The following SLIT3 variants were observed in gnomAD, a reference collection of about 807,000 sequenced individuals.
SLIT3 encodes slit guidance ligand 3.
In SLIT3, 68 loss-of-function variants were observed where a neutral mutation model predicts 184.0. The ratio of observed to expected loss-of-function variants is 0.37; its 90% CI spans 0.30 to 0.45. The LOEUF (loss-of-function observed/expected upper bound fraction) is 0.45, where lower values mean the gene tolerates loss of function less well. SLIT3 is among the 20% of genes least tolerant of loss of function. SLIT3 has a pLI of 1.00. For synonymous variants in SLIT3, 831 were observed against 828.6 expected (o/e 1.00, Z -0.05); for missense variants, 1,707 against 2,026.0 (o/e 0.84, Z 3.02).
chr5:168,879,066 C>T (rs759465606), intron 5 of SLIT3, among the ~76,000 whole-genome samples: 12 of 152,182 alleles, frequency 7.9e-5, no homozygotes, highest in Non-Finnish European at 1.6e-4. Flanking sequence ...AGAAAATATA[C>T]GTCAAAACTA....
Position 168,820,848 on chromosome 5 carries a change from A to G in SLIT3, c.629+2412T>C, listed in dbSNP as rs542683673. ...TAGAGAGGGTCAGTGTTCATTTTCT[A>G]TAAAATGTGGCTTTCTAAATTCAAT... On this transcript the variant is annotated intron_variant, in intron 7 of 35. Transcript: ENST00000519560. Among the ~76,000 whole-genome samples the G allele has an allele frequency of 1.4e-4, 21 of 152,344 alleles. No individual in the cohort carries two copies. In the South Asian group the frequency reaches 3.9e-3, roughly 29 times the overall value.
rs368371904 is a variant in SLIT3, at chr5:169,137,335, C to CACAGAGAG, written c.413+56143_413+56144insCTCTCTGT. Among the ~76,000 whole-genome samples, 154 of 138,652 alleles carry CACAGAGAG rather than the reference C, an allele frequency of 1.1e-3. 2 individuals are homozygous for CACAGAGAG. In the East Asian group the frequency reaches 0.021, roughly 19 times the overall value. 91.0% of individuals were successfully genotyped at this position (138,652 alleles called of 152,430 possible). On this transcript the variant is annotated intron_variant, in intron 4 of 35. Coordinates refer to ENST00000519560, the MANE Select transcript of SLIT3 (RefSeq NM_003062.4). Reference sequence around the variant, plus strand: ...ACACACACACACACACACACACACACAGAGAGAGAGAGAGAGAGAGAAACA... The same window carrying CACAGAGAG: ...ACACACACACACACACACACACACACACAGAGAGAGAGAGAGAGAGAGAGAGAGAAACA...
At chr5:169,092,218 T>G (rs1759616432) in intron 4 of SLIT3, among the ~76,000 whole-genome samples, 1 of 152,080 alleles carries the variant, frequency 6.6e-6, no homozygotes, top group Non-Finnish European at 1.5e-5. Context: ...AGTGAAACTC[T>G]GTTTCAAAAA....
At chr5:168,918,328 T>C (rs1761512310) in intron 4 of SLIT3, among the ~76,000 whole-genome samples, 1 of 152,214 alleles carries the variant, frequency 6.6e-6, no homozygotes, top group African/African-American at 2.4e-5. Context: ...AACTGCGCAC[T>C]GCATTCATCT....
intron 4 of SLIT3, among the ~76,000 whole-genome samples, chr5:169,032,917 CCTTG>C (rs758290252): frequency 0.032 from 4,460 of 138,004 alleles, 108 homozygotes; most frequent in Non-Finnish European, 0.053. Flanking sequence ...ATCCATTTTT[CCTTG>C]ATTTTTTTTT....
At chr5:168,730,945 T>A (rs921465050) in intron 20 of SLIT3, among the ~76,000 whole-genome samples, 1 of 151,850 alleles carries the variant, frequency 6.6e-6, no homozygotes, top group African/African-American at 2.4e-5. Flanking sequence ...AGAGCAGAAC[T>A]AAATGAAATG....
At chr5:169,054,672 A>G (rs1255061583) in intron 4 of SLIT3, among the ~76,000 whole-genome samples, 1 of 151,954 alleles carries the variant, frequency 6.6e-6, no homozygotes, top group Non-Finnish European at 1.5e-5. Flanking sequence ...TCCCACTCCA[A>G]CCCGTCTGCC....
At chr5:169,057,762 A>G (rs1280962789) in intron 4 of SLIT3, among the ~76,000 whole-genome samples, 9 of 152,154 alleles carry the variant, frequency 5.9e-5, no homozygotes, top group Non-Finnish European at 1.0e-4. Flanking sequence ...CCAGCACATG[A>G]TAAGGCTCAC....
chr5:169,190,691 G>A (rs954442651), intron 4 of SLIT3, among the ~76,000 whole-genome samples: 5 of 152,114 alleles, frequency 3.3e-5, no homozygotes, highest in Non-Finnish European at 7.4e-5. Context: ...ATCCCACATG[G>A]CATACTCTGG....
At chr5:168,808,236 G>A (rs1219838190) in intron 8 of SLIT3, among the ~76,000 whole-genome samples, 3 of 152,072 alleles carry the variant, frequency 2.0e-5, no homozygotes, top group Admixed American at 6.5e-5. Context: ...GAGTGGTGAT[G>A]CTGGCCTTGT....
chr5:169,130,132 C>T (rs2113312119), intron 4 of SLIT3, among the ~76,000 whole-genome samples: 1 of 152,268 alleles, frequency 6.6e-6, no homozygotes, highest in Middle Eastern at 3.4e-3. Context: ...CAGGCATGAG[C>T]CACCGTGCCC....
At chr5:168,771,457 G>A (rs1301282040) in intron 14 of SLIT3, among the ~76,000 whole-genome samples, 1 of 152,142 alleles carries the variant, frequency 6.6e-6, no homozygotes, top group Non-Finnish European at 1.5e-5. Context: ...TTGTGAACTT[G>A]GAGTGCCCCT....
intron 1 of SLIT3, among the ~76,000 whole-genome samples, chr5:169,264,802 T>C (rs865990172): frequency 4.6e-5 from 7 of 152,220 alleles, no homozygotes; most frequent in South Asian, 2.1e-4. Context: ...CATAACCACA[T>C]GCAAGTTTAA....
chr5:168,948,456 G>A (rs905092553), intron 4 of SLIT3, among the ~76,000 whole-genome samples: 15 of 152,258 alleles, frequency 9.9e-5, no homozygotes, highest in Admixed American at 3.9e-4. Context: ...GAGGCTGCAG[G>A]TAGAAACTCC....
At chr5:168,720,155 A>G (rs1174807903) in intron 23 of SLIT3, 3 of 152,236 alleles carry the variant, frequency 2.0e-5, no homozygotes, top group Non-Finnish European at 4.4e-5. Context: ...GGCTCAAGCA[A>G]TCCTCCCACC....
At chr5:168,747,165 C>A (rs971979530) in intron 20 of SLIT3, among the ~76,000 whole-genome samples, 1 of 152,128 alleles carries the variant, frequency 6.6e-6, no homozygotes, top group African/African-American at 2.4e-5. Flanking sequence ...CTGCCCCTCA[C>A]CCCTCAGATT....
intron 1 of SLIT3, among the ~76,000 whole-genome samples, chr5:169,296,865 GC>G (rs1440921888): frequency 6.6e-6 from 1 of 152,192 alleles, no homozygotes; most frequent in Non-Finnish European, 1.5e-5. Context: ...GTCCACTCTT[GC>G]CCCCACTCCA....
At chr5:168,816,322 G>T (rs1030881830) in intron 8 of SLIT3, among the ~76,000 whole-genome samples, 2 of 152,276 alleles carry the variant, frequency 1.3e-5, no homozygotes, top group East Asian at 3.9e-4. Flanking sequence ...GAGTAGCAGG[G>T]ATTACAGGTG....
Position 168,666,611 on chromosome 5 carries a change from T to C in SLIT3, c.4415A>G (p.Lys1472Arg). 6.2e-7 allele frequency: 1 copy of C among 1,614,222 alleles called. No individual in the cohort carries two copies. Among genetic ancestry groups the C allele is most frequent in the Non-Finnish European group, 8.5e-7 (1 of 1,180,044 alleles). The change falls in exon 36 of 36, where the codon AAG becomes AGG. Residue 1472 changes from lysine to arginine, a missense_variant. This residue lies in a region of SLIT3 where 387 missense variants were observed against 477.9 expected (regional missense o/e 0.81). Transcript: ENST00000519560. ...CCCACGACATTCCATGATGGGCACC[T>C]TGGAGGCTGTGGCACATGATGCATA... ...KGYASCATAS[K>R]VPIMECRGGC...
Sources: gnomAD v4.1 joint callset for allele counts (sites outside exome capture counted in the v4.1 genomes callset) on GRCh38, gnomAD v4.1.1 for gene constraint, gnomAD v4.1.1 regional missense constraint, MANE v1.5 for transcripts, NCBI Gene and HGNC (gene_info 2026-07-23, HGNC 2026-07-21) for gene names.